Variants in FAM149A observed in about 807,000 individuals in gnomAD.
The protein encoded by FAM149A is protein FAM149A.
In FAM149A, 71 loss-of-function variants were observed where a neutral mutation model predicts 78.2. The ratio of observed to expected loss-of-function variants is 0.91; its 90% confidence interval spans 0.75 to 1.11. The LOEUF (loss-of-function observed/expected upper bound fraction) is 1.11. Among genes scored for constraint, FAM149A ranks in the 50% least tolerant of loss-of-function variants. The probability of loss-of-function intolerance (pLI) is 0.00; values close to 1 mark genes in which losing one functional copy is unlikely to be tolerated. For missense variants in FAM149A, 1,036 were observed against 971.0 expected, an observed-to-expected ratio of 1.07 and a Z score of -0.89; for synonymous variants, 446 against 410.5, an observed-to-expected ratio of 1.09 and a Z score of -1.04.
chr4:186,157,691 C>G lies in FAM149A; in HGVS notation c.1547C>G (p.Ser516Cys). Residue 516 changes from serine (S) to cysteine (C), a missense_variant, in exon 8 of 14, where the codon TCC becomes TGC. By Grantham distance (112) the Ser-to-Cys change is moderately radical (BLOSUM62 -1). Transcript: ENST00000389354. Reference sequence around the variant, plus strand: ...GGACACGCCGAGGCTCACGGCATCTCCCTGGCTTCTCGTCTGAACCCGCCC... The same window carrying G: ...GGACACGCCGAGGCTCACGGCATCTGCCTGGCTTCTCGTCTGAACCCGCCC... 1.9e-6 allele frequency: 3 copies of G among 1,613,074 alleles called. No homozygotes were observed. Among genetic ancestry groups the G allele is most frequent in the Admixed American group, 1.7e-5 (1 of 59,924 alleles).
intron 1 of FAM149A, among the ~76,000 whole-genome samples, chr4:186,136,964 TTCTC>T (rs1386094089): frequency 1.0e-5 from 1 of 97,042 alleles, no homozygotes; most frequent in Non-Finnish European, 2.0e-5. Context: ...CTCTCTCTCT[TTCTC>T]TCTCTCTTTC....
At chr4:186,136,955 TCTCTCTCTTTCTCTCTCTCTTTCTC>T (rs2099323125) in intron 1 of FAM149A, among the ~76,000 whole-genome samples, 1 of 105,526 alleles carries the variant, frequency 9.5e-6, no homozygotes, top group African/African-American at 4.3e-5. Flanking sequence ...TCTCTCTCTC[TCTCTCTCTTTCTCTCTCTCTTTCTC>T]TCTCTCTCTC....
intron 1 of FAM149A, among the ~76,000 whole-genome samples, chr4:186,139,268 A>G (rs1454852544): frequency 6.6e-6 from 1 of 152,076 alleles, no homozygotes; most frequent in East Asian, 1.9e-4. Context: ...TCAGCCCCCA[A>G]ATCGGCCACT....
At chr4:186,145,364 G>A (rs373103626) in intron 1 of FAM149A, among the ~76,000 whole-genome samples, 1 of 152,148 alleles carries the variant, frequency 6.6e-6, no homozygotes, top group Non-Finnish European at 1.5e-5. Flanking sequence ...GCTGAGGAGC[G>A]GCTTCCCATG....
chr4:186,146,919 A>T, intron 1 of FAM149A: 1 of 985,486 alleles, frequency 1.0e-6, no homozygotes, highest in Non-Finnish European at 1.2e-6. Flanking sequence ...AACCGAGGGC[A>T]TCTTTTGTGT....
At chr4:186,160,982 C>A in intron 8 of FAM149A, 2 of 622,008 alleles carry the variant, frequency 3.2e-6, no homozygotes, top group Non-Finnish European at 4.0e-6. Context: ...GGAGATAAAA[C>A]ATTTTGTGTA....
intron 1 of FAM149A, chr4:186,132,937 C>T (rs987104318): frequency 9.2e-6 from 9 of 979,312 alleles, no homozygotes; most frequent in Non-Finnish European, 9.7e-6. Flanking sequence ...CCTGAACCCC[C>T]AGTGTGATGG....
intron 13 of FAM149A, chr4:186,169,935 C>T: frequency 1.0e-6 from 1 of 985,348 alleles, no homozygotes; most frequent in Non-Finnish European, 1.2e-6. Flanking sequence ...GCATCTGTAA[C>T]AACAAGCTAA....
intron 8 of FAM149A, among the ~76,000 whole-genome samples, chr4:186,159,192 G>T (rs1460950429): frequency 6.6e-6 from 1 of 152,008 alleles, no homozygotes; most frequent in African/African-American, 2.4e-5. Context: ...GTGAATCCTA[G>T]TGATACAAAA....
chr4:186,123,971 A>G (rs1009388143), intron 1 of FAM149A: 3 of 985,198 alleles, frequency 3.0e-6, no homozygotes, highest in African/African-American at 1.7e-5. Flanking sequence ...CATCTTAACT[A>G]GATAGCTAAA....
chr4:186,155,154 G>C (rs531943092), intron 6 of FAM149A, among the ~76,000 whole-genome samples: 1 of 152,184 alleles, frequency 6.6e-6, no homozygotes, highest in East Asian at 1.9e-4. Context: ...TTTTAGTAGA[G>C]ACGGGGTTTC....
chr4:186,117,767 G>C (rs115080384), intron 1 of FAM149A: 1 of 810,046 alleles, frequency 1.2e-6, no homozygotes, highest in Admixed American at 6.2e-5. Context: ...GGAGGGTTGA[G>C]CTAATGTGCA....
At position 186,154,502 on chromosome 4, in the gene FAM149A, G is replaced by A; in HGVS notation, c.1093G>A (p.Ala365Thr). 1 of 1,613,854 alleles carries A rather than the reference G, an allele frequency of 6.2e-7. No individual in the cohort carries two copies. Among genetic ancestry groups the A allele is most frequent in the East Asian group, 2.2e-5 (1 of 44,872 alleles). ...TTCTGGCTCTCAAATAGTCCCAGCA[G>A]CACTCTCAGCCTCTGCCCTGCCAGG... The change falls in exon 6 of 14, where the codon GCA becomes ACA. Residue 365 changes from alanine (A) to threonine (T), a missense_variant. This residue lies in a region of FAM149A where 716 missense variants were observed against 711.8 expected (regional missense o/e 1.01). Transcript: ENST00000389354.
At chr4:186,165,084 A>AC (rs1372763987) in intron 10 of FAM149A, among the ~76,000 whole-genome samples, 14 of 151,022 alleles carry the variant, frequency 9.3e-5, no homozygotes, top group South Asian at 6.4e-4. Context: ...TTTCCCTCTG[A>AC]CCCCCCCACA....
In FAM149A at chr4:186,156,100, G is replaced by A. The variant is rs768119890; in HGVS notation, c.1330G>A (p.Val444Met). 29 of 1,613,846 alleles carry A rather than the reference G, an allele frequency of 1.8e-5. No individual in the cohort carries two copies. Among genetic ancestry groups the A allele is most frequent in the Admixed American group, 3.3e-5 (2 of 59,988 alleles). ...CCCGCGTGACTGTGTCAAAGATGCC[G>A]TGGCAGCAGAAGTGTTTGATCACGT... The change falls in exon 7 of 14, where the codon GTG (valine) becomes ATG (methionine). Residue 444 changes from valine (V) to methionine (M), a missense_variant. This residue lies in a region of FAM149A where 716 missense variants were observed against 711.8 expected (regional missense o/e 1.01). Transcript: ENST00000389354.
intron 1 of FAM149A, among the ~76,000 whole-genome samples, chr4:186,131,479 A>G (rs2099320716): frequency 6.6e-6 from 1 of 152,218 alleles, no homozygotes; most frequent in African/African-American, 2.4e-5. Flanking sequence ...GAACCAAACC[A>G]GCTGGCACCT....
At chr4:186,152,163 G>A in intron 4 of FAM149A, 118 bp downstream of exon 4, 1 of 900,960 alleles carries the variant, frequency 1.1e-6, no homozygotes, top group Non-Finnish European at 1.7e-6. Flanking sequence ...GAATATGGAT[G>A]CAGAGCGCAG....
intron 8 of FAM149A, 114 bp downstream of exon 8, chr4:186,157,833 C>A: frequency 6.4e-7 from 1 of 1,552,630 alleles, no homozygotes; most frequent in Non-Finnish European, 8.7e-7. Context: ...TTCCACGCTG[C>A]CCGCAGAGGG....
Position 186,154,569 on chromosome 4 carries a change from C to T in FAM149A, c.1160C>T (p.Ser387Phe), listed in dbSNP as rs751776114. The T allele has an allele frequency of 1.9e-6, 3 of 1,614,078 alleles. No individual in the cohort carries two copies. Among genetic ancestry groups the T allele is most frequent in the Non-Finnish European group, 2.5e-6 (3 of 1,180,010 alleles). ...GTTGCTGACCTAACGGCACGTTCAT[C>T]CCTGGAAGAAGAGGTTTACCATGTG... is the stretch of plus-strand genomic sequence containing the variant. The change falls in exon 6 of 14, where the codon TCC becomes TTC. Residue 387 changes from serine to phenylalanine, a missense_variant. This residue lies in a region of FAM149A where 716 missense variants were observed against 711.8 expected (regional missense o/e 1.01). Transcript: ENST00000389354.
Sources: gnomAD v4.1 joint callset for allele counts (sites outside exome capture counted in the v4.1 genomes callset) on GRCh38, gnomAD v4.1.1 for gene constraint, gnomAD v4.1.1 regional missense constraint, MANE v1.5 for transcripts, NCBI Gene and HGNC (gene_info 2026-07-23, HGNC 2026-07-21) for gene names.